BTBD9: variants seen among roughly 807,000 people sequenced by gnomAD.
BTBD9 encodes the protein BTB/POZ domain-containing protein 9.
BTBD9 carries 49 observed loss-of-function variants against 64.3 expected under a neutral mutation model. The ratio of observed to expected loss-of-function variants is 0.76; its 90% CI spans 0.61 to 0.97. The LOEUF is 0.97. Ranked by LOEUF, BTBD9 falls within the 50% of genes least tolerant of loss-of-function variation. The pLI, the probability that BTBD9 is intolerant of heterozygous loss-of-function variation, is 0.00. For missense variants in BTBD9, 598 were observed against 762.1 expected, an observed-to-expected ratio of 0.78 and a Z score of 2.53; for synonymous variants, 260 against 274.7, an observed-to-expected ratio of 0.95 and a Z score of 0.53.
chr6:38,515,355 C>T (rs1401755944), intron 6 of BTBD9, among the ~76,000 whole-genome samples: 1 of 152,186 alleles, frequency 6.6e-6, no homozygotes, highest in African/African-American at 2.4e-5. Flanking sequence ...ACAAACAGAG[C>T]CTGGGGCAGG....
At chr6:38,461,633 A>G (rs989090028) in intron 6 of BTBD9, among the ~76,000 whole-genome samples, 3 of 152,342 alleles carry the variant, frequency 2.0e-5, no homozygotes, top group African/African-American at 7.2e-5. Flanking sequence ...ATTTATGTGT[A>G]AGTCTTTGTA....
chr6:38,432,110 T>C (rs1031530934), intron 6 of BTBD9, among the ~76,000 whole-genome samples: 1 of 152,006 alleles, frequency 6.6e-6, no homozygotes, highest in African/African-American at 2.4e-5. Context: ...TAGGTTGTTT[T>C]GAGGGAAGGC....
chr6:38,428,014 A>G (rs572529344), intron 6 of BTBD9, among the ~76,000 whole-genome samples: 20 of 152,056 alleles, frequency 1.3e-4, no homozygotes, highest in African/African-American at 4.4e-4. Context: ...GTACTTTTCT[A>G]TATTTGCATA....
chr6:38,512,993 C>T (rs1366694993), intron 6 of BTBD9, among the ~76,000 whole-genome samples: 1 of 152,130 alleles, frequency 6.6e-6, no homozygotes, highest in Non-Finnish European at 1.5e-5. Context: ...TACAGAGGTT[C>T]TTAAATGGGT....
chr6:38,295,900 T>C (rs1762140693), intron 7 of BTBD9, among the ~76,000 whole-genome samples: 1 of 151,920 alleles, frequency 6.6e-6, no homozygotes, highest in Non-Finnish European at 1.5e-5. Flanking sequence ...AATACAAAAA[T>C]TAGCTGGGTG....
intron 1 of BTBD9, among the ~76,000 whole-genome samples, chr6:38,604,023 T>C (rs1206339719): frequency 6.6e-6 from 1 of 152,224 alleles, no homozygotes; most frequent in Admixed American, 6.5e-5. Flanking sequence ...TCTCTTGATA[T>C]ATACTCTACC....
chr6:38,425,958 A>AC lies in BTBD9; in HGVS notation c.1155-80866_1155-80865insG, dbSNP rs1554150450. Among the ~76,000 whole-genome samples, 258 of 150,360 alleles carry AC rather than the reference A, an allele frequency of 1.7e-3. 2 individuals carry two copies. The highest frequency in any genetic ancestry group is 4.0e-3 in the African/African-American group (163 of 40,504). ...CACACACACACACACACACACACACAAACAAAAGCAAGCCCAGACCAGAAG... is the reference window on the plus strand; with the variant it reads ...CACACACACACACACACACACACACACAACAAAAGCAAGCCCAGACCAGAAG... On this transcript the variant is annotated intron_variant, in intron 6 of 10. Transcript: ENST00000481247.
At chr6:38,402,244 A>C (rs944576225) in intron 6 of BTBD9, among the ~76,000 whole-genome samples, 3 of 152,188 alleles carry the variant, frequency 2.0e-5, no homozygotes, top group South Asian at 2.1e-4. Flanking sequence ...AAAAGATTTA[A>C]TATGTTAAGG....
chr6:38,423,389 C>T (rs1198824488), intron 6 of BTBD9, among the ~76,000 whole-genome samples: 1 of 152,056 alleles, frequency 6.6e-6, no homozygotes, highest in African/African-American at 2.4e-5. Context: ...ACTGCCACTT[C>T]CGCCTCCCAG....
intron 6 of BTBD9, among the ~76,000 whole-genome samples, chr6:38,422,066 A>G (rs1767926640): frequency 6.6e-6 from 1 of 152,208 alleles, no homozygotes; most frequent in African/African-American, 2.4e-5. Context: ...CTCCGTACAA[A>G]GTTAATTTTC....
chr6:38,248,380 T>C (rs1234054063), intron 9 of BTBD9, among the ~76,000 whole-genome samples: 1 of 152,238 alleles, frequency 6.6e-6, no homozygotes, highest in Non-Finnish European at 1.5e-5. Context: ...CTAATTCTTT[T>C]TATCTAATCG....
intron 6 of BTBD9, among the ~76,000 whole-genome samples, chr6:38,508,091 C>T: frequency 6.6e-6 from 1 of 152,076 alleles, no homozygotes; most frequent in East Asian, 1.9e-4. Flanking sequence ...TCTCGGCCTC[C>T]CAAAGTGCTG....
chr6:38,391,502 T>A (rs574443427), intron 6 of BTBD9, among the ~76,000 whole-genome samples: 1 of 152,338 alleles, frequency 6.6e-6, no homozygotes, highest in African/African-American at 2.4e-5. Context: ...ATCTAAGAAC[T>A]AATGTCAACA....
intron 6 of BTBD9, among the ~76,000 whole-genome samples, chr6:38,346,056 C>T (rs1764264541): frequency 6.6e-6 from 1 of 152,198 alleles, no homozygotes; most frequent in South Asian, 2.1e-4. Flanking sequence ...AGATTATGAA[C>T]TATGCACTCT....
At chr6:38,527,594 C>T (rs913816684) in intron 6 of BTBD9, among the ~76,000 whole-genome samples, 1 of 152,106 alleles carries the variant, frequency 6.6e-6, no homozygotes. Flanking sequence ...CTGTATGTTT[C>T]CTGAGGCCTC....
intron 9 of BTBD9, among the ~76,000 whole-genome samples, chr6:38,233,645 G>C (rs534895587): frequency 6.6e-6 from 1 of 152,314 alleles, no homozygotes; most frequent in South Asian, 2.1e-4. Context: ...GGCAGGTAGA[G>C]TTTAACAGGA....
At chr6:38,324,034 T>C (rs1010649842) in intron 7 of BTBD9, among the ~76,000 whole-genome samples, 7 of 152,042 alleles carry the variant, frequency 4.6e-5, no homozygotes, top group African/African-American at 1.7e-4. Context: ...GCCCAGGAGG[T>C]GGAGGCTGCA....
intron 6 of BTBD9, among the ~76,000 whole-genome samples, chr6:38,552,394 AGAG>A (rs1341264434): frequency 6.6e-6 from 1 of 152,214 alleles, no homozygotes; most frequent in Non-Finnish European, 1.5e-5. Context: ...TAGTCCAGAA[AGAG>A]GAAGTAATGG....
chr6:38,437,892 A>G (rs1414450034), intron 6 of BTBD9, among the ~76,000 whole-genome samples: 1 of 152,134 alleles, frequency 6.6e-6, no homozygotes, highest in Non-Finnish European at 1.5e-5. Flanking sequence ...GGGGAAAGAA[A>G]GGAAAAGGAA....
Sources: allele counts gnomAD v4.1 joint callset (sites outside exome capture counted in the v4.1 genomes callset), GRCh38; gene constraint gnomAD v4.1.1; transcripts MANE v1.5; gene names NCBI Gene and HGNC (gene_info 2026-07-23, HGNC 2026-07-21).